Variants in PAFAH1B1 observed in about 807,000 individuals in gnomAD.
PAFAH1B1 encodes platelet-activating factor acetylhydrolase IB subunit beta.
A neutral mutation model predicts 57.5 loss-of-function variants in PAFAH1B1; 2 were observed. The observed-to-expected ratio is 0.03, with a 90% CI of 0.01 to 0.11. The LOEUF is 0.11. PAFAH1B1 is among the 10% of genes least tolerant of loss of function. The probability of loss-of-function intolerance (pLI) is 1.00; values close to 1 mark genes in which losing one functional copy is unlikely to be tolerated. For synonymous variants in PAFAH1B1, 152 were observed against 169.6 expected (o/e 0.90, Z 0.81); for missense variants, 257 against 512.0 (o/e 0.50, Z 4.81).
At chr17:2,613,459 TG>T in intron 1 of PAFAH1B1, 2 of 242,414 alleles carry the variant, frequency 8.3e-6, no homozygotes, top group Non-Finnish European at 1.7e-5. Flanking sequence ...CCCGCAGTGT[TG>T]GTGGCTGCAG....
intron 2 of PAFAH1B1, among the ~76,000 whole-genome samples, chr17:2,649,061 AGGGCCAG>A (rs1597551510): frequency 6.6e-6 from 1 of 151,854 alleles, no homozygotes; most frequent in East Asian, 1.9e-4. Flanking sequence ...TAATGGTTTC[AGGGCCAG>A]GTGGGGGTGG....
chr17:2,669,452 C>T lies in PAFAH1B1; in HGVS notation c.400-711C>T, dbSNP rs542688121. 3.9e-5 allele frequency among the ~76,000 whole-genome samples: 6 copies of T among 152,096 alleles called. No homozygotes were observed. The East Asian group carries it at 5.8e-4, about 15-fold the overall frequency. On this transcript the variant is annotated intron_variant, in intron 5 of 10. Coordinates refer to ENST00000397195, the MANE Select transcript of PAFAH1B1 (RefSeq NM_000430.4). ...AATTTTTTGTGTTTTTTAGTAGAGA[C>T]GGGGTTTCACCATATTAGCCAGGAT... is the stretch of plus-strand genomic sequence containing the variant.
In PAFAH1B1 at chr17:2,593,733, G is replaced by T. The variant is rs552888320; in HGVS notation, c.-464G>T. On this transcript the variant is annotated 5_prime_UTR_variant, in exon 1 of 11. Coordinates refer to ENST00000397195, the MANE Select transcript of PAFAH1B1 (RefSeq NM_000430.4). ...TGAGCGAGCGGAGGAGCAGCGACAC[G>T]GGAGTCTAGGGAGCGAGAAGGAGAA... The T allele has an allele frequency of 3.2e-6, 1 of 313,274 alleles. No homozygotes were observed. The highest frequency in any genetic ancestry group is 5.8e-6 in the Non-Finnish European group (1 of 171,238). 19.4% of individuals were successfully genotyped at this position (313,274 alleles called of 1,614,324 possible).
chr17:2,633,427 C>T (rs2068581016), intron 1 of PAFAH1B1, among the ~76,000 whole-genome samples: 1 of 151,740 alleles, frequency 6.6e-6, no homozygotes, highest in Non-Finnish European at 1.5e-5. Context: ...CTCAGCCTCC[C>T]AAAGTGCTGG....
rs530078615 is a variant in PAFAH1B1 at position 2,594,078 on chromosome 17, G to A, written c.-191+72G>A. ...GCCCGGGCGGCTGCAGGCCGGACCC[G>A]GCGGCCTGACGATGTGGCTGCGCCG... is the stretch of plus-strand genomic sequence containing the variant. On this transcript the variant is annotated intron_variant, in intron 1 of 10. Transcript: ENST00000397195. 570 of 396,574 alleles carry A rather than the reference G, an allele frequency of 1.4e-3. 2 individuals carry two copies. The highest frequency in any genetic ancestry group is 0.01 in the African/African-American group (500 of 48,398). 24.6% of individuals were successfully genotyped at this position (396,574 alleles called of 1,614,324 possible). A position where few individuals can be genotyped will look rare whatever the true frequency, so the allele number is the denominator to read the frequency against.
At chr17:2,628,751 C>A (rs1437172539) in intron 1 of PAFAH1B1, among the ~76,000 whole-genome samples, 1 of 152,002 alleles carries the variant, frequency 6.6e-6, no homozygotes, top group Non-Finnish European at 1.5e-5. Flanking sequence ...TCTTAATTAC[C>A]GTTTCAGTGT....
intron 2 of PAFAH1B1, among the ~76,000 whole-genome samples, chr17:2,655,619 G>A (rs1330650229): frequency 6.6e-6 from 1 of 152,142 alleles, no homozygotes; most frequent in Non-Finnish European, 1.5e-5. Flanking sequence ...CTCCAGCCTA[G>A]GTGACATGGC....
At chr17:2,605,612 C>T (rs1250861278) in intron 1 of PAFAH1B1, among the ~76,000 whole-genome samples, 1 of 152,168 alleles carries the variant, frequency 6.6e-6, no homozygotes, top group East Asian at 1.9e-4. Flanking sequence ...CTTTGACTCC[C>T]TGCCGCGCCC....
At chr17:2,643,051 T>A (rs1368247097) in intron 2 of PAFAH1B1, among the ~76,000 whole-genome samples, 1 of 146,548 alleles carries the variant, frequency 6.8e-6, no homozygotes, top group Admixed American at 6.8e-5. Flanking sequence ...TTCTCCCTCT[T>A]TCTTAAATAA....
At chr17:2,623,263 T>C (rs1342142952) in intron 1 of PAFAH1B1, among the ~76,000 whole-genome samples, 7 of 4,448 alleles carry the variant, frequency 1.6e-3, no homozygotes, top group Non-Finnish European at 1.4e-3. Context: ...TTTCCTTTCT[T>C]TTTTTTTTTT....
At chr17:2,664,665 G>GCGCGCGCTCTCT in intron 2 of PAFAH1B1, among the ~76,000 whole-genome samples, 25 of 86,090 alleles carry the variant, frequency 2.9e-4, no homozygotes, top group African/African-American at 8.2e-4. Context: ...TCTATCTATC[G>GCGCGCGCTCTCT]CTCTCTCTCT....
chr17:2,681,485 G>A (rs947406064), intron 10 of PAFAH1B1: 8 of 456,396 alleles, frequency 1.8e-5, no homozygotes, highest in East Asian at 1.1e-4. Flanking sequence ...GGTTGGGACC[G>A]GGCAGGGTCT....
intron 1 of PAFAH1B1, among the ~76,000 whole-genome samples, chr17:2,622,070 A>G (rs1180780953): frequency 6.6e-6 from 1 of 152,166 alleles, no homozygotes; most frequent in Admixed American, 6.5e-5. Context: ...ACCAGCCTCC[A>G]TGATTCAGTT....
chr17:2,652,974 T>C (rs545688928), intron 2 of PAFAH1B1, among the ~76,000 whole-genome samples: 1 of 152,274 alleles, frequency 6.6e-6, no homozygotes, highest in African/African-American at 2.4e-5. Context: ...TGCACACATA[T>C]GTTTATTGTG....
intron 2 of PAFAH1B1, chr17:2,662,042 C>CAAAAAAAAAAAAAAAAAAAAAAAAAA: frequency 1.5e-5 from 1 of 67,858 alleles, no homozygotes; most frequent in Non-Finnish European, 2.9e-5. Flanking sequence ...GACTCCATCT[C>CAAAAAAAAAAAAAAAAAAAAAAAAAA]AAAAAAAAAA....
intron 1 of PAFAH1B1, chr17:2,613,394 G>A: frequency 4.2e-6 from 1 of 240,796 alleles, no homozygotes; most frequent in Admixed American, 5.0e-5. Flanking sequence ...GGGGGAGGTG[G>A]CTGTCATGGG....
At chr17:2,601,060 G>A (rs556880691) in intron 1 of PAFAH1B1, among the ~76,000 whole-genome samples, 3 of 152,170 alleles carry the variant, frequency 2.0e-5, no homozygotes, top group East Asian at 3.9e-4. Flanking sequence ...GTGAGGAAAG[G>A]CTATACATTT....
chr17:2,673,351 A>T (rs1452836329), intron 7 of PAFAH1B1, among the ~76,000 whole-genome samples: 1 of 152,034 alleles, frequency 6.6e-6, no homozygotes, highest in African/African-American at 2.4e-5. Context: ...AAGTGTAAAT[A>T]ATCTTTGGCC....
intron 1 of PAFAH1B1, among the ~76,000 whole-genome samples, chr17:2,604,782 C>T (rs951599495): frequency 1.3e-5 from 2 of 152,062 alleles, no homozygotes; most frequent in African/African-American, 4.8e-5. Context: ...GCACTCCAGA[C>T]TGCTGAGCGA....
Sources: allele counts gnomAD v4.1 joint callset (sites outside exome capture counted in the v4.1 genomes callset), GRCh38; gene constraint gnomAD v4.1.1; transcripts MANE v1.5; gene names NCBI Gene and HGNC (gene_info 2026-07-23, HGNC 2026-07-21).